Variants in LAMA3 observed in about 807,000 individuals in gnomAD.
LAMA3 encodes laminin subunit alpha-3.
LAMA3 carries 281 observed loss-of-function variants against 402.0 expected under a neutral mutation model. The ratio of observed to expected loss-of-function variants is 0.70; its 90% CI spans 0.63 to 0.77. The LOEUF is 0.77. Ranked by LOEUF, LAMA3 falls within the 30% of genes least tolerant of loss-of-function variation. The pLI, the probability that LAMA3 is intolerant of heterozygous loss-of-function variation, is 0.00. For synonymous variants in LAMA3, 1,431 were observed against 1,558.4 expected, an observed-to-expected ratio of 0.92 and a Z score of 1.93; for missense variants, 3,840 against 4,215.5, an observed-to-expected ratio of 0.91 and a Z score of 2.47.
chr18:23,789,582 G>A (rs1361306532), intron 12 of LAMA3, among the ~76,000 whole-genome samples: 1 of 152,192 alleles, frequency 6.6e-6, no homozygotes, highest in African/African-American at 2.4e-5. Flanking sequence ...CACATATTGT[G>A]TGATTCATTT....
rs200538901 is a variant in LAMA3 at position 23,898,738 on chromosome 18, A to T, written c.5614A>T (p.Asn1872Tyr). ...HMETQAKDLR[N>Y]QLLNYRSAIS... ...ACATTCATTTGTGTTTTGTTTCCAGAATCAGTTGCTCAACTACCGTTCTGC... is the reference window on the plus strand; with the variant it reads ...ACATTCATTTGTGTTTTGTTTCCAGTATCAGTTGCTCAACTACCGTTCTGC... The change falls in exon 45 of 75, where the codon AAT becomes TAT. Residue 1872 changes from asparagine (N) to tyrosine (Y), a missense_variant and splice_region_variant. Asn to Tyr is a moderately radical substitution (Grantham distance 143). Transcript: ENST00000313654. 7 of 1,544,098 alleles carry T rather than the reference A, an allele frequency of 4.5e-6. No individual in the cohort carries two copies. The highest frequency in any genetic ancestry group is 6.3e-6 in the Non-Finnish European group (7 of 1,116,176).
At chr18:23,694,083 C>T (rs1017837526) in intron 1 of LAMA3, among the ~76,000 whole-genome samples, 2 of 152,188 alleles carry the variant, frequency 1.3e-5, no homozygotes, top group Admixed American at 6.5e-5. Flanking sequence ...GGAAACTGCC[C>T]TGAGGAAAGC....
rs1205452127 is a variant in LAMA3, at chr18:23,901,074, C to T, written c.6005-53C>T. The T allele has an allele frequency of 3.4e-6, 5 of 1,476,936 alleles. No homozygotes were observed. The South Asian group carries it at 3.4e-5, about 10-fold the overall frequency. 91.5% of individuals were successfully genotyped at this position (1,476,936 alleles called of 1,614,324 possible). A position where few individuals can be genotyped will look rare whatever the true frequency, so the allele number is the denominator to read the frequency against. On this transcript the variant is annotated intron_variant, in intron 47 of 74. Transcript: ENST00000313654. ...TTCTCCCTTTGTAGTTTTTATAACC[C>T]AGCTTCAGTATGCTCATCTGTCAAA...
chr18:23,941,239 C>T lies in LAMA3; in HGVS notation c.9026+1853C>T, dbSNP rs186698036. On this transcript the variant is annotated intron_variant, in intron 68 of 74. Coordinates refer to ENST00000313654, the MANE Select transcript of LAMA3 (RefSeq NM_198129.4). ...GCGTGAGCCACCGCGCCCGGCCAAC[C>T]TCTCTCTTTCAAGAAACTGCCTGGA... 2.6e-5 allele frequency among the ~76,000 whole-genome samples: 4 copies of T among 151,878 alleles called. 1 individual carries two copies. The highest frequency in any genetic ancestry group is 2.6e-4 in the Admixed American group (4 of 15,262).
chr18:23,781,256 T>A, intron 11 of LAMA3: 1 of 455,620 alleles, frequency 2.2e-6, no homozygotes, highest in South Asian at 1.6e-5. Context: ...TACAGGGCTG[T>A]GGCATTAGGA....
Position 23,824,482 on chromosome 18 carries a change from G to A in LAMA3, c.2488G>A (p.Val830Ile). ...GAGTAAGGAGCCAGCCTTTGTCACT[G>A]TCCCTGGAAATGGTTTTGCAGACCC... The part of the protein sequence containing the change: ...LPSKEPAFVT[V>I]PGNGFADPFS... The change falls in exon 21 of 75, where the codon GTC becomes ATC. Residue 830 changes from valine to isoleucine, a missense_variant. By Grantham distance (29) the Val-to-Ile change is conservative (BLOSUM62 3). Coordinates refer to ENST00000313654, the MANE Select transcript of LAMA3 (RefSeq NM_198129.4). 6.2e-7 allele frequency: 1 copy of A among 1,614,132 alleles called. No individual in the cohort carries two copies. Among genetic ancestry groups the A allele is most frequent in the African/African-American group, 1.3e-5 (1 of 75,048 alleles).
chr18:23,743,472 T>G (rs1404734199), intron 2 of LAMA3, among the ~76,000 whole-genome samples: 1 of 152,196 alleles, frequency 6.6e-6, no homozygotes, highest in East Asian at 1.9e-4. Flanking sequence ...ATTCATAGCA[T>G]GTATTGAACA....
chr18:23,898,776 T>A lies in LAMA3; in HGVS notation c.5652T>A (p.His1884Gln). The A allele has an allele frequency of 6.2e-7, 1 of 1,612,112 alleles. No individual in the cohort carries two copies. The highest frequency in any genetic ancestry group is 8.5e-7 in the Non-Finnish European group (1 of 1,178,182). Residue 1884 changes from histidine to glutamine, a missense_variant, in exon 45 of 75, where the codon CAT becomes CAA. Around this residue, in one of 3 missense-constraint regions of LAMA3, gnomAD observed 891 missense variants for 857.5 expected, o/e 1.04. Coordinates refer to ENST00000313654, the MANE Select transcript of LAMA3 (RefSeq NM_198129.4). ...LLNYRSAISN[H>Q]GSKIEGLERE... ...ACTACCGTTCTGCCATTTCAAATCATGGATCAAAAATAGAAGGCCTGGAAA... is the reference window on the plus strand; with the variant it reads ...ACTACCGTTCTGCCATTTCAAATCAAGGATCAAAAATAGAAGGCCTGGAAA...
In LAMA3 at chr18:23,839,402, G is replaced by A. The variant is rs1036565041; in HGVS notation, c.3192-383G>A. Among the ~76,000 whole-genome samples, 9 of 152,204 alleles carry A rather than the reference G, an allele frequency of 5.9e-5. No homozygotes were observed. Among genetic ancestry groups the A allele is most frequent in the African/African-American group, 1.7e-4 (7 of 41,452 alleles). ...AATGTGATTCTGGTTGTGCGTAAAA[G>A]AGACGATGTATATTTTTTCTTTCTT... On this transcript the variant is annotated intron_variant, in intron 26 of 74. Coordinates refer to ENST00000313654, the MANE Select transcript of LAMA3 (RefSeq NM_198129.4). This position sits in a 1 kb window ranked among gnomAD's most constrained non-coding sequence, Gnocchi z 4.5.
intron 47 of LAMA3, 102 bp downstream of exon 47, chr18:23,899,557 C>T (rs2080998096): frequency 8.3e-7 from 1 of 1,206,574 alleles, no homozygotes. Context: ...TGGAAGGCCT[C>T]ATGGTTTCAG....
intron 52 of LAMA3, among the ~76,000 whole-genome samples, chr18:23,906,874 A>G (rs1416431369): frequency 6.6e-6 from 1 of 152,206 alleles, no homozygotes; most frequent in Non-Finnish European, 1.5e-5. Context: ...TCGTAATTGA[A>G]GCCATGAATC....
rs2060539804 is a variant in LAMA3 at position 23,689,661 on chromosome 18, G to A, written c.-23G>A. The A allele has an allele frequency of 7.7e-7, 1 of 1,306,232 alleles. No homozygotes were observed. Among genetic ancestry groups the A allele is most frequent in the Non-Finnish European group, 9.7e-7 (1 of 1,033,662 alleles). 80.9% of individuals were successfully genotyped at this position (1,306,232 alleles called of 1,614,324 possible). On this transcript the variant is annotated 5_prime_UTR_variant, in exon 1 of 75. Transcript: ENST00000313654. ...CCGAGCCCCTCTGCGGACGGCTCAG[G>A]CGGGAGGACCCCGCGCGGCTGGATG...
intron 64 of LAMA3, among the ~76,000 whole-genome samples, chr18:23,930,618 T>A (rs1210061616): frequency 6.6e-6 from 1 of 152,028 alleles, no homozygotes; most frequent in East Asian, 1.9e-4. Context: ...TGTGGTGGTG[T>A]GCGCCTGTGG....
At chr18:23,883,339 T>C (rs1017867566) in intron 40 of LAMA3, among the ~76,000 whole-genome samples, 1 of 152,192 alleles carries the variant, frequency 6.6e-6, no homozygotes, top group African/African-American at 2.4e-5. Flanking sequence ...CCCTCTCTCC[T>C]TAAGTGTGGC....
At position 23,871,792 on chromosome 18, in the gene LAMA3, A is replaced by C. The variant is rs1483511553; in HGVS notation, c.4998+131A>C. ...CTCTGTTCAAGTTTCTGCAGGGCTTATCTTATATCTTACTTAGACTCCCTT... is the reference window on the plus strand; with the variant it reads ...CTCTGTTCAAGTTTCTGCAGGGCTTCTCTTATATCTTACTTAGACTCCCTT... On this transcript the variant is annotated intron_variant, in intron 38 of 74. Coordinates refer to ENST00000313654, the MANE Select transcript of LAMA3 (RefSeq NM_198129.4). The C allele has an allele frequency of 9.6e-6, 7 of 728,748 alleles. No individual in the cohort carries two copies. In the East Asian group the frequency reaches 1.9e-4, roughly 20 times the overall value. The allele number at this position is 728,748 out of a possible 1,614,324, so 45.1% of individuals were successfully genotyped here.
intron 1 of LAMA3, among the ~76,000 whole-genome samples, chr18:23,711,877 T>C (rs2060996511): frequency 6.6e-6 from 1 of 152,184 alleles, no homozygotes; most frequent in South Asian, 2.1e-4. Context: ...ACATCAATAA[T>C]GTGGAGATGG....
chr18:23,842,796 G>A lies in LAMA3; in HGVS notation c.3603+46G>A. 3.1e-6 allele frequency: 5 copies of A among 1,612,644 alleles called. No homozygotes were observed. The East Asian group carries it at 1.1e-4, about 36-fold the overall frequency. On this transcript the variant is annotated intron_variant, in intron 29 of 74. Transcript: ENST00000313654. ...AACTTGCTCCTCACATGCCTGCCTGGCTGGCCATTCTGGGTGTCTGTTTAG... is the reference window on the plus strand; with the variant it reads ...AACTTGCTCCTCACATGCCTGCCTGACTGGCCATTCTGGGTGTCTGTTTAG...
chr18:23,724,174 T>C (rs2061259167), intron 2 of LAMA3, among the ~76,000 whole-genome samples: 1 of 152,210 alleles, frequency 6.6e-6, no homozygotes, highest in African/African-American at 2.4e-5. Flanking sequence ...AATAATAGTC[T>C]CCAATCCCAT....
chr18:23,861,866 G>T lies in LAMA3; in HGVS notation c.4584+59G>T, dbSNP rs990543052. 40 of 1,514,136 alleles carry T rather than the reference G, an allele frequency of 2.6e-5. No individual in the cohort carries two copies. The Admixed American group carries it at 3.9e-4, about 15-fold the overall frequency. The allele number at this position is 1,514,136 out of a possible 1,614,324, so 93.8% of individuals were successfully genotyped here. The stretch of plus-strand genomic sequence containing the variant: ...GTGGGCCTCTGCTATTGCTGCATGA[G>T]CATCATTTCCTGGAAATCTGGAAGG... On this transcript the variant is annotated intron_variant, in intron 35 of 74. Coordinates refer to ENST00000313654, the MANE Select transcript of LAMA3 (RefSeq NM_198129.4).
Sources: allele counts gnomAD v4.1 joint callset (sites outside exome capture counted in the v4.1 genomes callset), GRCh38; gene constraint gnomAD v4.1.1; regional missense constraint gnomAD v4.1.1; non-coding constraint Gnocchi (gnomAD v3.1); transcripts MANE v1.5; gene names NCBI Gene and HGNC (gene_info 2026-07-23, HGNC 2026-07-21).